The following FAM186A variants were observed in gnomAD, a reference collection of about 807,000 sequenced individuals.
The protein encoded by FAM186A is family with sequence similarity 186 member A, also known as protein FAM186A.
A neutral mutation model predicts 216.8 loss-of-function variants in FAM186A; 163 were observed. The ratio of observed to expected loss-of-function variants is 0.75; its 90% confidence interval spans 0.66 to 0.86. FAM186A has a LOEUF of 0.86. FAM186A is among the 40% of genes least tolerant of loss of function. FAM186A has a pLI of 0.00. For synonymous variants in FAM186A, 805 were observed against 1,025.3 expected (o/e 0.79, Z 4.10); for missense variants, 2,184 against 2,746.2 (o/e 0.80, Z 4.58).
Position 50,353,070 on chromosome 12 carries a change from A to T in FAM186A, c.3762T>A (p.Thr1254=). ...GTTCCTGAACCTGCTTAGGGGTGAG[A>T]GTGATTCCGAGAGCCTGCGCCTGCT... ...TPQQAQALGI[T]LTPKQVQELG... Residue 1254 remains threonine (T), a synonymous_variant, in exon 4 of 8, where the codon ACT becomes ACA. Transcript: ENST00000327337. 2.0e-6 allele frequency: 3 copies of T among 1,534,772 alleles called. No individual in the cohort carries two copies. The highest frequency in any genetic ancestry group is 1.8e-6 in the Non-Finnish European group (2 of 1,139,286).
intron 1 of FAM186A, among the ~76,000 whole-genome samples, chr12:50,379,646 C>T (rs1388024798): frequency 2.7e-5 from 4 of 148,734 alleles, no homozygotes; most frequent in Non-Finnish European, 6.0e-5. Flanking sequence ...AGTAGCCGGG[C>T]GTAGTGGAGC....
chr12:50,375,503 T>G (rs1943188503), intron 1 of FAM186A, among the ~76,000 whole-genome samples: 1 of 150,350 alleles, frequency 6.7e-6, no homozygotes, highest in Non-Finnish European at 1.5e-5. Context: ...GAGCCGAGAT[T>G]GCACCATTGC....
chr12:50,333,388 T>G (rs955625163), intron 5 of FAM186A, among the ~76,000 whole-genome samples: 4 of 151,752 alleles, frequency 2.6e-5, no homozygotes, highest in Non-Finnish European at 4.4e-5. Context: ...AAAATTTAGC[T>G]GGGCATGGTG....
intron 7 of FAM186A, among the ~76,000 whole-genome samples, chr12:50,329,234 A>G (rs1942632876): frequency 6.6e-6 from 1 of 152,194 alleles, no homozygotes. Context: ...TGAAGCTAGT[A>G]ATGGAATGTA....
intron 1 of FAM186A, among the ~76,000 whole-genome samples, chr12:50,385,339 A>G (rs551900077): frequency 9.0e-4 from 133 of 148,508 alleles, no homozygotes; most frequent in Non-Finnish European, 1.7e-3. Flanking sequence ...AATTGCTTGA[A>G]CCTGGGAGGC....
At chr12:50,367,768 A>G (rs1355827017) in intron 1 of FAM186A, among the ~76,000 whole-genome samples, 4 of 152,252 alleles carry the variant, frequency 2.6e-5, no homozygotes, top group African/African-American at 9.6e-5. Flanking sequence ...ACATACATAC[A>G]AATCAGTCAC....
intron 3 of FAM186A, among the ~76,000 whole-genome samples, chr12:50,359,494 T>C (rs1172727802): frequency 6.6e-6 from 1 of 152,164 alleles, no homozygotes; most frequent in Non-Finnish European, 1.5e-5. Context: ...GTACAGTCAC[T>C]TTGGAAAACA....
Position 50,351,125 on chromosome 12 carries a change from G to A in FAM186A, c.5707C>T (p.Pro1903Ser). ...GCCAGATGCTGCCCAGGGGTAGAAG[G>A]AGCCTGCAGATAGGGAGATTGCTCA... ...TAEQSPYLQA[P>S]STPGQHLATW... is the part of the protein sequence containing the mutation. Residue 1903 changes from proline to serine, a missense_variant, in exon 4 of 8, where the codon CCT becomes TCT. By Grantham distance (74) the Pro-to-Ser change is moderately conservative (BLOSUM62 -1). Transcript: ENST00000327337. 1 of 1,551,564 alleles carries A rather than the reference G, an allele frequency of 6.4e-7. No individual in the cohort carries two copies. The highest frequency in any genetic ancestry group is 8.7e-7 in the Non-Finnish European group (1 of 1,146,990).
At chr12:50,379,913 G>A (rs1314787069) in intron 1 of FAM186A, among the ~76,000 whole-genome samples, 1 of 152,180 alleles carries the variant, frequency 6.6e-6, no homozygotes, top group African/African-American at 2.4e-5. Context: ...AGAAGGATAA[G>A]CCAGAGGCTA....
chr12:50,382,075 T>C (rs886814931), intron 1 of FAM186A, among the ~76,000 whole-genome samples: 16 of 152,098 alleles, frequency 1.1e-4, no homozygotes, highest in African/African-American at 3.9e-4. Context: ...AAAACCACTT[T>C]AGGATTTCTC....
intron 4 of FAM186A, among the ~76,000 whole-genome samples, chr12:50,341,769 A>G (rs1427968575): frequency 2.0e-5 from 3 of 152,120 alleles, no homozygotes; most frequent in Non-Finnish European, 4.4e-5. Context: ...CAGGAGGCGG[A>G]GGTTGCAATG....
rs368732894 is a variant in FAM186A at position 50,364,578 on chromosome 12, TA to T, written c.193-1215del. On this transcript the variant is annotated intron_variant, in intron 1 of 7. Transcript: ENST00000327337. ...GTCTAAAAATAAATAAATAAATAAA[TA>T]AAATAAAAATAAAAATAAAATAATA... Among the ~76,000 whole-genome samples, 18 of 136,626 alleles carry T rather than the reference TA, an allele frequency of 1.3e-4. No individual in the cohort carries two copies. The East Asian group carries it at 4.0e-3, about 30-fold the overall frequency. The allele number at this position is 136,626 out of a possible 152,430, so 89.6% of individuals were successfully genotyped here.
At position 50,330,635 on chromosome 12, in the gene FAM186A, G is replaced by A. The variant is rs1018388609; in HGVS notation, c.6972C>T (p.Pro2324=). 38 of 1,550,452 alleles carry A rather than the reference G, an allele frequency of 2.5e-5. No homozygotes were observed. The African/African-American group carries it at 3.6e-4, about 15-fold the overall frequency. The change falls in exon 7 of 8, where the codon CCC becomes CCT. Residue 2324 remains proline (P), a synonymous_variant. Transcript: ENST00000327337. ...ACTGCACTTCTAACTGAAGCAGCCT[G>A]GGAATATCTGGGTACCCACCCAGCT... is the stretch of plus-strand genomic sequence containing the variant. ...WAQLGGYPDI[P]RLLQLEVQST... is the part of the protein sequence containing the mutation.
At chr12:50,381,318 G>C (rs1943252170) in intron 1 of FAM186A, among the ~76,000 whole-genome samples, 2 of 152,318 alleles carry the variant, frequency 1.3e-5, no homozygotes, top group South Asian at 4.1e-4. Context: ...CTTGCATTCA[G>C]AAAGAATGAG....
At chr12:50,384,039 A>C (rs1459258939) in intron 1 of FAM186A, among the ~76,000 whole-genome samples, 1 of 152,062 alleles carries the variant, frequency 6.6e-6, no homozygotes, top group Admixed American at 6.6e-5. Context: ...AATTGCTTGA[A>C]CCTAGGATGT....
intron 1 of FAM186A, among the ~76,000 whole-genome samples, chr12:50,376,954 G>A (rs891530110): frequency 7.2e-5 from 11 of 151,768 alleles, no homozygotes; most frequent in African/African-American, 2.7e-4. Context: ...TCACTGTGTT[G>A]CTCAAGCTGG....
Position 50,360,845 on chromosome 12 carries a change from G to A in FAM186A, c.494C>T (p.Thr165Met), listed in dbSNP as rs796461140. ...WIAQMELLPD[T>M]LKAIENNVKI... ...GACATTGTTCTCAATAGCTTTTAAC[G>A]TGTCCGGTAACAACTCCATTTGTGC... The change falls in exon 3 of 8, where the codon ACG becomes ATG. Residue 165 changes from threonine (T) to methionine (M), a missense_variant. Coordinates refer to ENST00000327337, the MANE Select transcript of FAM186A (RefSeq NM_001145475.3). 24 of 1,550,910 alleles carry A rather than the reference G, an allele frequency of 1.5e-5. No homozygotes were observed. The highest frequency in any genetic ancestry group is 6.8e-5 in the African/African-American group (5 of 73,048).
chr12:50,371,050 G>A (rs1314471663), intron 1 of FAM186A, among the ~76,000 whole-genome samples: 1 of 152,126 alleles, frequency 6.6e-6, no homozygotes, highest in Non-Finnish European at 1.5e-5. Context: ...AGTGAGCCAA[G>A]ATTGCACCAC....
chr12:50,377,834 C>CAAAA, intron 1 of FAM186A, among the ~76,000 whole-genome samples: 1 of 139,942 alleles, frequency 7.1e-6, no homozygotes, highest in East Asian at 2.0e-4. Flanking sequence ...AACTCCACCT[C>CAAAA]AAAAAAAAAA....
Sources: allele counts gnomAD v4.1 joint callset (sites outside exome capture counted in the v4.1 genomes callset), GRCh38; gene constraint gnomAD v4.1.1; transcripts MANE v1.5; gene names NCBI Gene and HGNC (gene_info 2026-07-23, HGNC 2026-07-21).